The following WDR72 variants were observed in gnomAD, a reference collection of about 807,000 sequenced individuals.
WDR72 encodes WD repeat domain 72.
WDR72 carries 120 observed loss-of-function variants against 124.2 expected under a neutral mutation model. The observed-to-expected ratio is 0.97, with a 90% CI of 0.83 to 1.12. The LOEUF (loss-of-function observed/expected upper bound fraction) is 1.12. Ranked by LOEUF, WDR72 falls within the 50% of genes most tolerant of loss-of-function variation. WDR72 has a pLI of 0.00. For synonymous variants in WDR72, 452 were observed against 441.7 expected (o/e 1.02, Z -0.29); for missense variants, 1,387 against 1,278.8 (o/e 1.08, Z -1.29).
intron 18 of WDR72, among the ~76,000 whole-genome samples, chr15:53,574,943 A>G (rs1225772416): frequency 6.6e-6 from 1 of 151,836 alleles, no homozygotes; most frequent in Non-Finnish European, 1.5e-5. Context: ...CTTCCAAGTG[A>G]GGAAATCCTC....
At chr15:53,673,272 C>T (rs1252458589) in intron 13 of WDR72, among the ~76,000 whole-genome samples, 3 of 151,976 alleles carry the variant, frequency 2.0e-5, no homozygotes, top group Non-Finnish European at 4.4e-5. Context: ...ACTCGGTCCA[C>T]TAAGTCTATG....
At chr15:53,707,300 T>A (rs2017408305) in intron 9 of WDR72, among the ~76,000 whole-genome samples, 1 of 152,148 alleles carries the variant, frequency 6.6e-6, no homozygotes, top group Non-Finnish European at 1.5e-5. Context: ...AAGTAAACAT[T>A]GCTATTATCC....
intron 13 of WDR72, among the ~76,000 whole-genome samples, chr15:53,666,646 A>T (rs2015789398): frequency 6.6e-6 from 1 of 152,212 alleles, no homozygotes; most frequent in African/African-American, 2.4e-5. Context: ...ACCTAAATAC[A>T]GACTTCATTT....
intron 2 of WDR72, among the ~76,000 whole-genome samples, chr15:53,727,226 T>A (rs1440482317): frequency 3.3e-4 from 42 of 125,718 alleles, no homozygotes; most frequent in Middle Eastern, 4.4e-3. Flanking sequence ...AGACTCTGTC[T>A]AAAAAAAAAA....
chr15:53,752,856 C>T (rs1340622987), intron 1 of WDR72, among the ~76,000 whole-genome samples: 1 of 152,062 alleles, frequency 6.6e-6, no homozygotes, highest in Non-Finnish European at 1.5e-5. Flanking sequence ...TCCTTTCCAT[C>T]TACATTATCG....
rs1397769890 is a variant in WDR72 at position 53,706,395 on chromosome 15, TGG to T, written c.955-323_955-322del. ...ATATATATATATATATATATATATA[TGG>T]CTATGTGTACACATTACTGCAAGGG... On this transcript the variant is annotated intron_variant, in intron 9 of 19. Transcript: ENST00000360509. Among the ~76,000 whole-genome samples, 491 of 103,950 alleles carry T rather than the reference TGG, an allele frequency of 4.7e-3. 1 individual carries two copies. Among genetic ancestry groups the T allele is most frequent in the Non-Finnish European group, 7.4e-3 (326 of 44,068 alleles). 68.2% of individuals were successfully genotyped at this position (103,950 alleles called of 152,430 possible). A position where few individuals can be genotyped will look rare whatever the true frequency, so the allele number is the denominator to read the frequency against.
In WDR72 at chr15:53,517,744, C is replaced by G. The variant is rs759923850; in HGVS notation, c.3264G>C (p.Arg1088Ser). Reference protein sequence around the residue: ...LEESESPGEPRHHSWIAKVCP... With the variant: ...LEESESPGEPSHHSWIAKVCP... ...AGACCTTTGCTATCCATGAATGATG[C>G]CTTGGCTCACCTAGGAAAAAAGCAG... Residue 1088 changes from arginine to serine, a missense_variant, in exon 20 of 20, where the codon AGG (arginine) becomes AGC (serine). Coordinates refer to ENST00000360509, the MANE Select transcript of WDR72 (RefSeq NM_182758.4). 1 of 1,612,620 alleles carries G rather than the reference C, an allele frequency of 6.2e-7. No individual in the cohort carries two copies. Among genetic ancestry groups the G allele is most frequent in the South Asian group, 1.1e-5 (1 of 91,052 alleles).
chr15:53,714,327 T>C (rs1341619795), intron 6 of WDR72, 107 bp downstream of exon 6: 4 of 905,260 alleles, frequency 4.4e-6, no homozygotes, highest in Admixed American at 2.0e-5. Flanking sequence ...TACACTTCTA[T>C]GTTATTTGAA....
At chr15:53,708,712 C>T (rs1374538457) in intron 9 of WDR72, among the ~76,000 whole-genome samples, 1 of 152,140 alleles carries the variant, frequency 6.6e-6, no homozygotes. Context: ...ATCACCATTA[C>T]TCTTAGTTCA....
At chr15:53,539,406 C>CAA (rs1048774530) in intron 18 of WDR72, among the ~76,000 whole-genome samples, 4 of 151,850 alleles carry the variant, frequency 2.6e-5, no homozygotes, top group Admixed American at 2.6e-4. Context: ...TGCAGGTGAT[C>CAA]AGAGGGATAT....
At position 53,615,525 on chromosome 15, in the gene WDR72, G is replaced by GAATC; in HGVS notation, c.2677_2680dup (p.Ser894Ter). On this transcript the variant is annotated stop_gained and frameshift_variant, in exon 15 of 20. Coordinates refer to ENST00000360509, the MANE Select transcript of WDR72 (RefSeq NM_182758.4). LOFTEE classifies it high-confidence loss of function. ...AACTATAGTATCTGACTCTCGCAAA[G>GAATC]AATCACAATTATTTTCCAATCCTCT... 3.1e-6 allele frequency: 5 copies of GAATC among 1,612,836 alleles called. No homozygotes were observed. Among genetic ancestry groups the GAATC allele is most frequent in the Non-Finnish European group, 4.2e-6 (5 of 1,179,368 alleles).
chr15:53,541,619 A>G (rs1394760371), intron 18 of WDR72, among the ~76,000 whole-genome samples: 2 of 151,956 alleles, frequency 1.3e-5, no homozygotes, highest in Non-Finnish European at 2.9e-5. Flanking sequence ...GTTCCTCACC[A>G]GCAACGGAAC....
chr15:53,555,364 G>A (rs967752392), intron 18 of WDR72, among the ~76,000 whole-genome samples: 3 of 151,920 alleles, frequency 2.0e-5, no homozygotes, highest in African/African-American at 7.2e-5. Flanking sequence ...GAAACACTGG[G>A]AGACAAAGAT....
intron 13 of WDR72, among the ~76,000 whole-genome samples, chr15:53,694,603 C>T (rs1183565162): frequency 6.6e-6 from 1 of 152,162 alleles, no homozygotes; most frequent in Non-Finnish European, 1.5e-5. Flanking sequence ...AAAGGCTGAC[C>T]TCCATCTGCA....
chr15:53,652,457 T>C lies in WDR72; in HGVS notation c.1962+13115A>G, dbSNP rs111275689. 3.3e-5 allele frequency among the ~76,000 whole-genome samples: 5 copies of C among 152,314 alleles called. 1 individual carries two copies. Among genetic ancestry groups the C allele is most frequent in the African/African-American group, 1.2e-4 (5 of 41,566 alleles). Reference sequence around the variant, plus strand: ...TACAAAAGCAGGAAGCAATGTTTGCTACTTGGGGGATACAGAATTGTACTA... The same window carrying C: ...TACAAAAGCAGGAAGCAATGTTTGCCACTTGGGGGATACAGAATTGTACTA... On this transcript the variant is annotated intron_variant, in intron 14 of 19. Transcript: ENST00000360509.
intron 13 of WDR72, among the ~76,000 whole-genome samples, chr15:53,677,799 ATTG>A (rs1276011570): frequency 2.0e-5 from 3 of 152,176 alleles, no homozygotes; most frequent in Non-Finnish European, 4.4e-5. Context: ...GAGATAAAAT[ATTG>A]TTTTCTCATC....
At chr15:53,728,069 G>A (rs902803238) in intron 2 of WDR72, among the ~76,000 whole-genome samples, 5 of 152,134 alleles carry the variant, frequency 3.3e-5, no homozygotes, top group African/African-American at 7.2e-5. Flanking sequence ...TTTTCACACC[G>A]CTGATAAAGA....
At chr15:53,565,950 T>G (rs1894282137) in intron 18 of WDR72, among the ~76,000 whole-genome samples, 1 of 151,964 alleles carries the variant, frequency 6.6e-6, no homozygotes, top group African/African-American at 2.4e-5. Context: ...AGAGCATAAA[T>G]CAAGGGTTTT....
rs74015386 is a variant in WDR72 at position 53,514,276 on chromosome 15, T to C, written c.*3423A>G. Reference sequence around the variant, plus strand: ...AGGAGTCTATAACACCGCTTTTATATAACTGAGCAATCAAAATGTATGAAT... The same window carrying C: ...AGGAGTCTATAACACCGCTTTTATACAACTGAGCAATCAAAATGTATGAAT... On this transcript the variant is annotated 3_prime_UTR_variant, in exon 20 of 20. Coordinates refer to ENST00000360509, the MANE Select transcript of WDR72 (RefSeq NM_182758.4). The C allele has an allele frequency of 6.6e-6, 1 of 152,176 alleles. No homozygotes were observed. The highest frequency in any genetic ancestry group is 1.5e-5 in the Non-Finnish European group (1 of 68,046). 9.4% of individuals were successfully genotyped at this position (152,176 alleles called of 1,614,324 possible).
Sources: allele counts gnomAD v4.1 joint callset (sites outside exome capture counted in the v4.1 genomes callset), GRCh38; gene constraint gnomAD v4.1.1; transcripts MANE v1.5; gene names NCBI Gene and HGNC (gene_info 2026-07-23, HGNC 2026-07-21).